PTPRD: variants seen among roughly 807,000 people sequenced by gnomAD.
PTPRD encodes protein tyrosine phosphatase receptor type D, also known as receptor-type tyrosine-protein phosphatase delta.
A neutral mutation model predicts 214.5 loss-of-function variants in PTPRD; 34 were observed. That is an observed-to-expected ratio of 0.16 (90% CI 0.12 to 0.21). PTPRD has a LOEUF of 0.21. Among genes scored for constraint, PTPRD ranks in the 10% least tolerant of loss-of-function variants. The pLI is 1.00. For missense variants in PTPRD, 2,545 were observed against 2,398.7 expected (o/e 1.06, Z -1.27); for synonymous variants, 1,128 against 845.7 (o/e 1.33, Z -5.79).
At chr9:9,050,729 G>A (rs549042788) in intron 10 of PTPRD, among the ~76,000 whole-genome samples, 1 of 152,108 alleles carries the variant, frequency 6.6e-6, no homozygotes, top group South Asian at 2.1e-4. Flanking sequence ...TACGTTCACT[G>A]TTGCACTATT....
intron 5 of PTPRD, among the ~76,000 whole-genome samples, chr9:9,847,615 T>C (rs1382055560): frequency 6.6e-6 from 1 of 152,120 alleles, no homozygotes; most frequent in Non-Finnish European, 1.5e-5. Flanking sequence ...CCTTACTAGT[T>C]AGCTAAGTAC....
chr9:10,292,607 G>T (rs2095558626), intron 3 of PTPRD, among the ~76,000 whole-genome samples: 1 of 151,796 alleles, frequency 6.6e-6, no homozygotes, highest in East Asian at 1.9e-4. Context: ...GTTATTTTTG[G>T]GCAATCTTAG....
chr9:9,281,503 C>T (rs60003362), intron 9 of PTPRD, among the ~76,000 whole-genome samples: 20,483 of 151,260 alleles, frequency 0.14, 1,671 homozygotes, highest in Middle Eastern at 0.2. Flanking sequence ...AATCTTTTAA[C>T]ATCATAGGTC....
intron 3 of PTPRD, among the ~76,000 whole-genome samples, chr9:10,299,921 G>A (rs2095808756): frequency 6.6e-6 from 1 of 151,988 alleles, no homozygotes; most frequent in African/African-American, 2.4e-5. Context: ...CAGTGTCATT[G>A]CTCTCATATA....
chr9:8,345,785 G>C (rs563082062), intron 39 of PTPRD, among the ~76,000 whole-genome samples: 1 of 152,082 alleles, frequency 6.6e-6, no homozygotes, highest in Admixed American at 6.6e-5. Context: ...ACTGGCATCC[G>C]TTCAGACTGT....
At chr9:10,077,218 TC>T (rs1282204956) in intron 3 of PTPRD, among the ~76,000 whole-genome samples, 3 of 152,154 alleles carry the variant, frequency 2.0e-5, no homozygotes, top group African/African-American at 4.8e-5. Context: ...TACTTTATCA[TC>T]CTTTGCCTGC....
intron 5 of PTPRD, among the ~76,000 whole-genome samples, chr9:9,800,929 CGATTA>C (rs2099035629): frequency 6.6e-6 from 1 of 152,106 alleles, no homozygotes; most frequent in Non-Finnish European, 1.5e-5. Context: ...AGGAGATACA[CGATTA>C]GTTGAGCTTT....
chr9:9,533,290 A>C (rs1042576438), intron 8 of PTPRD, among the ~76,000 whole-genome samples: 1 of 152,142 alleles, frequency 6.6e-6, no homozygotes, highest in African/African-American at 2.4e-5. Flanking sequence ...TAATGGTTCC[A>C]GTGATGACTT....
chr9:8,376,759 T>C (rs780920124), intron 37 of PTPRD, 33 bp from the exon 38 acceptor site: 18 of 1,609,632 alleles, frequency 1.1e-5, no homozygotes, highest in Non-Finnish European at 1.3e-5. Context: ...TCAGGGCAAA[T>C]GCTCATCAAT....
intron 14 of PTPRD, among the ~76,000 whole-genome samples, chr9:8,584,024 T>A (rs976409936): frequency 5.3e-5 from 8 of 152,048 alleles, no homozygotes; most frequent in African/African-American, 1.7e-4. Context: ...TGTGGTGGTG[T>A]GTACTTGTAG....
At position 10,098,023 on chromosome 9, in the gene PTPRD, G is replaced by T. The variant is rs577134817; in HGVS notation, c.-544-64233C>A. Among the ~76,000 whole-genome samples the T allele has an allele frequency of 3.3e-3, 499 of 151,848 alleles. 2 individuals are homozygous for T. The highest frequency in any genetic ancestry group is 0.012 in the African/African-American group (480 of 41,464). ...TACCCAAAGGATTATAAATCATGCTGCTATAAAGACACATGCACACGTATG... is the reference window on the plus strand; with the variant it reads ...TACCCAAAGGATTATAAATCATGCTTCTATAAAGACACATGCACACGTATG... On this transcript the variant is annotated intron_variant, in intron 3 of 45. Coordinates refer to ENST00000381196, the MANE Select transcript of PTPRD (RefSeq NM_002839.4).
intron 12 of PTPRD, among the ~76,000 whole-genome samples, chr9:8,709,468 T>A (rs1190381213): frequency 7.6e-6 from 1 of 131,758 alleles, no homozygotes; most frequent in African/African-American, 3.0e-5. Context: ...TGAGCCAAGA[T>A]CACATCACTG....
intron 11 of PTPRD, among the ~76,000 whole-genome samples, chr9:8,766,824 G>A (rs2094789687): frequency 6.6e-6 from 1 of 152,080 alleles, no homozygotes; most frequent in Non-Finnish European, 1.5e-5. Flanking sequence ...TGTTTATTTA[G>A]AAGTTTCGTG....
chr9:8,341,683 A>C lies in PTPRD; in HGVS notation c.4947+10T>G, dbSNP rs572485293. The C allele has an allele frequency of 1.2e-6, 2 of 1,612,724 alleles. No individual in the cohort carries two copies. The highest frequency in any genetic ancestry group is 2.2e-5 in the South Asian group (2 of 90,928). ...GCTCCTGAATAACCACATCACATCC[A>C]ATACCATACCTTAAATTCGAGCTCC... On this transcript the variant is annotated intron_variant, in intron 40 of 45. Coordinates refer to ENST00000381196, the MANE Select transcript of PTPRD (RefSeq NM_002839.4).
chr9:9,833,680 G>GC lies in PTPRD; in HGVS notation c.-367-66830_-367-66829insG, dbSNP rs766682043. Among the ~76,000 whole-genome samples, 8 of 141,616 alleles carry GC rather than the reference G, an allele frequency of 5.6e-5. No homozygotes were observed. The South Asian group carries it at 7.1e-4, about 13-fold the overall frequency. 92.9% of individuals were successfully genotyped at this position (141,616 alleles called of 152,430 possible). ...AACCATAAGAGACAGGTACGCTCCGGAGAGGGGGGCAGTTCAGAGACCTAC... is the reference window on the plus strand; with the variant it reads ...AACCATAAGAGACAGGTACGCTCCGGCAGAGGGGGGCAGTTCAGAGACCTAC... On this transcript the variant is annotated intron_variant, in intron 5 of 45. Coordinates refer to ENST00000381196, the MANE Select transcript of PTPRD (RefSeq NM_002839.4).
intron 2 of PTPRD, among the ~76,000 whole-genome samples, chr9:10,345,779 C>T (rs1474508302): frequency 1.3e-5 from 2 of 152,164 alleles, no homozygotes; most frequent in Non-Finnish European, 2.9e-5. Context: ...GGTATAATCC[C>T]AGTAATGGGA....
intron 5 of PTPRD, among the ~76,000 whole-genome samples, chr9:9,815,932 G>T (rs1025711350): frequency 1.3e-5 from 2 of 152,086 alleles, no homozygotes; most frequent in Non-Finnish European, 2.9e-5. Flanking sequence ...TACACAAATG[G>T]TAGCTATGTG....
chr9:9,763,611 A>C (rs1161664314), intron 6 of PTPRD, among the ~76,000 whole-genome samples: 3 of 152,146 alleles, frequency 2.0e-5, no homozygotes. Context: ...CATAAATCTT[A>C]GCTCTGTAAA....
intron 3 of PTPRD, among the ~76,000 whole-genome samples, chr9:10,061,965 C>T (rs774204138): frequency 6.6e-6 from 1 of 152,008 alleles, no homozygotes; most frequent in Non-Finnish European, 1.5e-5. Context: ...GAAATGGAGT[C>T]TGGTGATCTA....
Sources: gnomAD v4.1 joint callset for allele counts (sites outside exome capture counted in the v4.1 genomes callset) on GRCh38, gnomAD v4.1.1 for gene constraint, MANE v1.5 for transcripts, NCBI Gene and HGNC (gene_info 2026-07-23, HGNC 2026-07-21) for gene names.